The following RPP14 variants were observed in gnomAD, a reference collection of about 807,000 sequenced individuals.
RPP14 encodes the protein ribonuclease P protein subunit p14.
In RPP14, 19 loss-of-function variants were observed where a neutral mutation model predicts 17.8. That is an observed-to-expected ratio of 1.07 (90% CI 0.74 to 1.57). The LOEUF is 1.57. RPP14 is among the 40% of genes most tolerant of loss of function. RPP14 has a pLI of 0.00. For missense variants in RPP14, 125 were observed against 140.8 expected, an observed-to-expected ratio of 0.89 and a Z score of 0.57; for synonymous variants, 60 against 56.4, an observed-to-expected ratio of 1.06 and a Z score of -0.29.
rs748961450 is a variant in RPP14 at position 58,310,521 on chromosome 3, G to T, written c.92G>T (p.Cys31Phe). 1.2e-6 allele frequency: 2 copies of T among 1,608,860 alleles called. No homozygotes were observed. Among genetic ancestry groups the T allele is most frequent in the South Asian group, 2.2e-5 (2 of 90,156 alleles). The change falls in exon 3 of 6, where the codon TGT (cysteine) becomes TTT (phenylalanine). Residue 31 changes from cysteine to phenylalanine, a missense_variant. By Grantham distance (205) the Cys-to-Phe change is radical. Coordinates refer to ENST00000295959, the MANE Select transcript of RPP14 (RefSeq NM_007042.6). ...YMKVCLEFQD[C>F]GVGLNAAQFK... is the part of the protein sequence containing the mutation. ...ACTTTTTTTAGAGAATTTCAAGATTGTGGAGTTGGACTGAATGCTGCACAG... is the reference window on the plus strand; with the variant it reads ...ACTTTTTTTAGAGAATTTCAAGATTTTGGAGTTGGACTGAATGCTGCACAG...
intron 3 of RPP14, among the ~76,000 whole-genome samples, chr3:58,312,334 A>ACCGCCC (rs1488023508): frequency 5.3e-4 from 37 of 69,692 alleles, no homozygotes; most frequent in African/African-American, 1.9e-3. Context: ...CAACCTCCGC[A>ACCGCCC]CCCCCCCCCG....
At chr3:58,307,238 C>A (rs571268803) in intron 1 of RPP14, among the ~76,000 whole-genome samples, 5 of 152,180 alleles carry the variant, frequency 3.3e-5, no homozygotes, top group Non-Finnish European at 5.9e-5. Context: ...TTGCAGGCTG[C>A]TCTAAGGACT....
At chr3:58,312,670 C>G (rs1387307857) in intron 3 of RPP14, among the ~76,000 whole-genome samples, 3 of 151,994 alleles carry the variant, frequency 2.0e-5, no homozygotes, top group Non-Finnish European at 4.4e-5. Flanking sequence ...ATGAGAAAGT[C>G]TCCTTATGGG....
intron 1 of RPP14, among the ~76,000 whole-genome samples, chr3:58,308,190 C>G (rs2097477754): frequency 6.6e-6 from 1 of 152,168 alleles, no homozygotes; most frequent in Non-Finnish European, 1.5e-5. Flanking sequence ...TTCCGCTGTC[C>G]TGAAACCAAG....
rs1468860943 is a variant in RPP14, at chr3:58,317,446, C to T, written c.325C>T (p.Pro109Ser). ...KCAFRVIQVS[P>S]FLLALSGNSR... ...CTTTTTCTTTCTCTTCTAGGTTTCT[C>T]CATTTCTTCTTGCATTATCTGGTAA... The change falls in exon 6 of 6, where the codon CCA (proline) becomes TCA (serine). Residue 109 changes from proline (P) to serine (S), a missense_variant. By Grantham distance (74) the Pro-to-Ser change is moderately conservative (BLOSUM62 -1). Transcript: ENST00000295959. 2 of 1,596,410 alleles carry T rather than the reference C, an allele frequency of 1.3e-6. No individual in the cohort carries two copies. Among genetic ancestry groups the T allele is most frequent in the South Asian group, 2.2e-5 (2 of 90,514 alleles).
chr3:58,310,320 A>C lies in RPP14; in HGVS notation c.-10A>C. ...TTGACTTACTGTAGGTGTGATCAGC[A>C]CTGGAAAAGATGCCTGCCCCTGCTG... On this transcript the variant is annotated 5_prime_UTR_variant, in exon 2 of 6. Coordinates refer to ENST00000295959, the MANE Select transcript of RPP14 (RefSeq NM_007042.6). 6.2e-7 allele frequency: 1 copy of C among 1,613,604 alleles called. No homozygotes were observed. Among genetic ancestry groups the C allele is most frequent in the Non-Finnish European group, 8.5e-7 (1 of 1,179,490 alleles).
intron 3 of RPP14, among the ~76,000 whole-genome samples, chr3:58,311,668 T>C (rs2097482374): frequency 7.6e-6 from 1 of 132,444 alleles, no homozygotes; most frequent in African/African-American, 2.7e-5. Context: ...TTCTACATTT[T>C]GCCTATTGGG....
At chr3:58,306,738 A>T (rs1025611400) in intron 1 of RPP14, 20 of 152,270 alleles carry the variant, frequency 1.3e-4, no homozygotes, top group African/African-American at 4.8e-4. Context: ...AAAGTGATTG[A>T]TTTAGTCCAA....
At chr3:58,313,377 C>G (rs1559794483) in intron 3 of RPP14, among the ~76,000 whole-genome samples, 1 of 152,170 alleles carries the variant, frequency 6.6e-6, no homozygotes, top group African/African-American at 2.4e-5. Flanking sequence ...TTTTAAGCAA[C>G]TTTGAGAACA....
chr3:58,309,188 C>A (rs114953643), intron 1 of RPP14, among the ~76,000 whole-genome samples: 5,118 of 152,270 alleles, frequency 0.034, 288 homozygotes, highest in African/African-American at 0.12. Context: ...TGAGAGTAAA[C>A]AAGAAGAGGA....
chr3:58,314,129 T>C (rs1018364953), intron 3 of RPP14, among the ~76,000 whole-genome samples: 31 of 152,126 alleles, frequency 2.0e-4, no homozygotes, highest in African/African-American at 6.5e-4. Context: ...GGTGGGTTGA[T>C]TGCCTGAGGT....
At chr3:58,312,335 C>CG (rs1459179261) in intron 3 of RPP14, among the ~76,000 whole-genome samples, 1 of 83,778 alleles carries the variant, frequency 1.2e-5, no homozygotes, top group African/African-American at 4.3e-5. Context: ...AACCTCCGCA[C>CG]CCCCCCCCGC....
At position 58,318,086 on chromosome 3, in the gene RPP14, T is replaced by G; in HGVS notation, c.*590T>G. On this transcript the variant is annotated 3_prime_UTR_variant, in exon 6 of 6. Transcript: ENST00000295959. ...AAAAAGACTGTTATGGAAGGCTGGG[T>G]TAAAGTTATGGTTCCAGAAGCTTCC... 1.5e-6 allele frequency: 1 copy of G among 672,164 alleles called. No homozygotes were observed. The highest frequency in any genetic ancestry group is 2.7e-6 in the Non-Finnish European group (1 of 373,842). 41.6% of individuals were successfully genotyped at this position (672,164 alleles called of 1,614,324 possible). A position where few individuals can be genotyped will look rare whatever the true frequency, so the allele number is the denominator to read the frequency against.
intron 3 of RPP14, among the ~76,000 whole-genome samples, chr3:58,310,981 A>G (rs1559793412): frequency 7.0e-6 from 1 of 143,642 alleles, no homozygotes; most frequent in African/African-American, 2.9e-5. Context: ...AAAAAAAAAA[A>G]TAAATTATAC....
rs758032308 is a variant in RPP14 at position 58,310,285 on chromosome 3, T to C, written c.-21-24T>C. The stretch of plus-strand genomic sequence containing the variant: ...AAAAATAGCATGTGCATTGGTCATT[T>C]CTAGCCCTCTTGACTTACTGTAGGT... On this transcript the variant is annotated intron_variant, in intron 1 of 5. Transcript: ENST00000295959. The C allele has an allele frequency of 1.1e-5, 17 of 1,563,154 alleles. No homozygotes were observed. In the East Asian group the frequency reaches 2.9e-4, roughly 27 times the overall value.
rs2097489702 is a variant in RPP14, at chr3:58,317,655, G to A, written c.*159G>A. On this transcript the variant is annotated 3_prime_UTR_variant, in exon 6 of 6. Transcript: ENST00000295959. ...CCAGCCATCACCTTTGGTGGGGTGGGCTTCGGAGGACAGTCTGTCTGAACC... is the reference window on the plus strand; with the variant it reads ...CCAGCCATCACCTTTGGTGGGGTGGACTTCGGAGGACAGTCTGTCTGAACC... 2.8e-6 allele frequency: 2 copies of A among 710,516 alleles called. No individual in the cohort carries two copies. Among genetic ancestry groups the A allele is most frequent in the Non-Finnish European group, 5.1e-6 (2 of 390,708 alleles). 44.0% of individuals were successfully genotyped at this position (710,516 alleles called of 1,614,324 possible).
At chr3:58,317,083 A>C (rs1464357094) in intron 5 of RPP14, 90 bp downstream of exon 5, 1 of 928,960 alleles carries the variant, frequency 1.1e-6, no homozygotes, top group African/African-American at 1.6e-5. Context: ...GTGCTTGCAT[A>C]AATGTAATAT....
chr3:58,310,810 A>G (rs1559793276), intron 3 of RPP14, among the ~76,000 whole-genome samples: 1 of 151,760 alleles, frequency 6.6e-6, no homozygotes, highest in Non-Finnish European at 1.5e-5. Context: ...GGCACCTGTA[A>G]TCCCAGCTAC....
chr3:58,316,872 CTCTG>C (rs771912004), intron 4 of RPP14, 39 bp from the exon 5 acceptor site: 34 of 1,490,094 alleles, frequency 2.3e-5, no homozygotes, highest in African/African-American at 2.8e-5. Flanking sequence ...TCATTTTGTT[CTCTG>C]TCTATGACAC....
Sources: allele counts gnomAD v4.1 joint callset (sites outside exome capture counted in the v4.1 genomes callset), GRCh38; gene constraint gnomAD v4.1.1; transcripts MANE v1.5; gene names NCBI Gene and HGNC (gene_info 2026-07-23, HGNC 2026-07-21).